Variants in SYNPO2 observed in about 807,000 individuals in gnomAD.
SYNPO2 encodes the protein synaptopodin 2.
In SYNPO2, 56 loss-of-function variants were observed where a neutral mutation model predicts 85.0. The ratio of observed to expected loss-of-function variants is 0.66; its 90% CI spans 0.53 to 0.82. The LOEUF (loss-of-function observed/expected upper bound fraction) is 0.82. Ranked by LOEUF, SYNPO2 falls within the 40% of genes least tolerant of loss-of-function variation. The probability of loss-of-function intolerance (pLI) is 0.00; values close to 1 mark genes in which losing one functional copy is unlikely to be tolerated. For synonymous variants in SYNPO2, 602 were observed against 591.1 expected, an observed-to-expected ratio of 1.02 and a Z score of -0.27; for missense variants, 1,575 against 1,534.2, an observed-to-expected ratio of 1.03 and a Z score of -0.44.
intron 1 of SYNPO2, among the ~76,000 whole-genome samples, chr4:118,939,805 T>A (rs916396655): frequency 4.6e-5 from 7 of 152,168 alleles, no homozygotes; most frequent in African/African-American, 1.7e-4. Flanking sequence ...CTGCCTGACT[T>A]CCCTAATAGA....
intron 4 of SYNPO2, among the ~76,000 whole-genome samples, chr4:119,054,157 G>A (rs1054414271): frequency 6.6e-6 from 1 of 152,232 alleles, no homozygotes. Flanking sequence ...GGCCACTCCG[G>A]GCGCCAGCAG....
intron 3 of SYNPO2, among the ~76,000 whole-genome samples, chr4:119,029,220 A>C (rs1314422100): frequency 6.6e-6 from 1 of 152,152 alleles, no homozygotes; most frequent in Non-Finnish European, 1.5e-5. Context: ...CAGTACCTTC[A>C]ATGATTAATT....
intron 1 of SYNPO2, among the ~76,000 whole-genome samples, chr4:118,975,160 T>C (rs934784290): frequency 1.3e-5 from 2 of 152,196 alleles, no homozygotes; most frequent in African/African-American, 4.8e-5. Flanking sequence ...TTCCCACCAC[T>C]GTTCTGTCAT....
intron 1 of SYNPO2, among the ~76,000 whole-genome samples, chr4:118,899,301 T>C (rs994092144): frequency 6.6e-6 from 1 of 152,226 alleles, no homozygotes; most frequent in African/African-American, 2.4e-5. Flanking sequence ...AAGAAAACTT[T>C]AAAGCATGAG....
chr4:119,048,599 G>A (rs1461828631), intron 4 of SYNPO2, among the ~76,000 whole-genome samples: 1 of 152,194 alleles, frequency 6.6e-6, no homozygotes, highest in Non-Finnish European at 1.5e-5. Context: ...TTGCCAAGCT[G>A]AGTGATCATG....
chr4:118,902,786 T>A (rs1732803559), intron 1 of SYNPO2, among the ~76,000 whole-genome samples: 1 of 152,162 alleles, frequency 6.6e-6, no homozygotes, highest in East Asian at 1.9e-4. Flanking sequence ...AATACCTAGA[T>A]CCTGTTTAGA....
At chr4:118,916,729 CTTTTT>C (rs199715189) in intron 1 of SYNPO2, among the ~76,000 whole-genome samples, 8 of 117,024 alleles carry the variant, frequency 6.8e-5, no homozygotes, top group Middle Eastern at 5.7e-3. Flanking sequence ...ATTTTTCTTT[CTTTTT>C]TTTTTTTTTT....
intron 1 of SYNPO2, among the ~76,000 whole-genome samples, chr4:118,851,660 A>G (rs1421817848): frequency 2.0e-5 from 3 of 152,268 alleles, no homozygotes; most frequent in Non-Finnish European, 4.4e-5. Context: ...AATGTAAGTA[A>G]CATTTTGATT....
intron 1 of SYNPO2, among the ~76,000 whole-genome samples, chr4:118,892,641 T>TC (rs1732414557): frequency 6.6e-6 from 1 of 152,144 alleles, no homozygotes; most frequent in Non-Finnish European, 1.5e-5. Flanking sequence ...TACCTGCAAT[T>TC]GAAAAATTAC....
At position 119,030,976 on chromosome 4, in the gene SYNPO2, A is replaced by T; in HGVS notation, c.2201A>T (p.Asp734Val). The change falls in exon 4 of 5, where the codon GAC (aspartate) becomes GTC (valine). Residue 734 changes from aspartate to valine, a missense_variant. Physicochemically the swap from Asp to Val is radical, Grantham distance 152. Transcript: ENST00000307142. The stretch of plus-strand genomic sequence containing the variant: ...GGAGGTGATTCCGGACCGGAAGAAG[A>T]CTACCTCAGCTTGGGGGCAGAGGCT... ...GAGGDSGPEE[D>V]YLSLGAEACN... 6.2e-7 allele frequency: 1 copy of T among 1,614,158 alleles called. No individual in the cohort carries two copies. The highest frequency in any genetic ancestry group is 8.5e-7 in the Non-Finnish European group (1 of 1,180,014).
intron 1 of SYNPO2, among the ~76,000 whole-genome samples, chr4:118,929,290 A>T (rs1733839926): frequency 6.6e-6 from 1 of 152,088 alleles, no homozygotes; most frequent in Admixed American, 6.6e-5. Flanking sequence ...CCATAAAAAT[A>T]AGGAACTGGC....
chr4:119,035,485 ATACC>A (rs1202055912), intron 4 of SYNPO2: 14 of 985,346 alleles, frequency 1.4e-5, no homozygotes, highest in Non-Finnish European at 1.6e-5. Context: ...AGTGTAAAGC[ATACC>A]TTGTTAGGAA....
intron 1 of SYNPO2, among the ~76,000 whole-genome samples, chr4:118,898,356 C>A: frequency 6.6e-6 from 1 of 152,150 alleles, no homozygotes; most frequent in East Asian, 1.9e-4. Flanking sequence ...TTATATTGGC[C>A]CTGTAACTGG....
intron 1 of SYNPO2, among the ~76,000 whole-genome samples, chr4:118,962,549 A>T (rs1162705949): frequency 1.3e-5 from 2 of 152,222 alleles, no homozygotes; most frequent in Non-Finnish European, 2.9e-5. Flanking sequence ...AGGGTTTTAG[A>T]ATAGTCCTAA....
rs776569952 is a variant in SYNPO2, at chr4:119,023,348, A to G, written c.106-82A>G. ...AAATTCAGGGCTGGTGTTACTGTTG[A>G]CAGATTTGTTTCTCAGAGATGGTGG... On this transcript the variant is annotated intron_variant, in intron 1 of 4. Coordinates refer to ENST00000307142, the MANE Select transcript of SYNPO2 (RefSeq NM_133477.3). The G allele has an allele frequency of 2.1e-5, 30 of 1,431,642 alleles. 1 individual carries two copies. Among genetic ancestry groups the G allele is most frequent in the Non-Finnish European group, 2.8e-5 (30 of 1,068,840 alleles). The allele number at this position is 1,431,642 out of a possible 1,614,324, so 88.7% of individuals were successfully genotyped here.
intron 1 of SYNPO2, among the ~76,000 whole-genome samples, chr4:118,852,730 G>A (rs1283971635): frequency 1.3e-5 from 2 of 152,134 alleles, no homozygotes; most frequent in Non-Finnish European, 2.9e-5. Context: ...GCTGGAGGGT[G>A]GGAGGAGGGA....
intron 4 of SYNPO2, chr4:119,043,787 A>T (rs546603382): frequency 2.0e-5 from 3 of 152,130 alleles, no homozygotes; most frequent in African/African-American, 7.2e-5. Flanking sequence ...AAAACACAAA[A>T]ATTAGCTGGG....
chr4:119,039,490 AT>A (rs1264076388), intron 4 of SYNPO2, among the ~76,000 whole-genome samples: 1 of 152,174 alleles, frequency 6.6e-6, no homozygotes, highest in African/African-American at 2.4e-5. Flanking sequence ...AGCAATAGAC[AT>A]TTTTAAACAG....
intron 1 of SYNPO2, among the ~76,000 whole-genome samples, chr4:118,959,963 T>C (rs1735017840): frequency 6.6e-6 from 1 of 152,218 alleles, no homozygotes; most frequent in Non-Finnish European, 1.5e-5. Context: ...GGAGAGGGCC[T>C]AGATTATCCA....
Sources: allele counts gnomAD v4.1 joint callset (sites outside exome capture counted in the v4.1 genomes callset), GRCh38; gene constraint gnomAD v4.1.1; transcripts MANE v1.5; gene names NCBI Gene and HGNC (gene_info 2026-07-23, HGNC 2026-07-21).